The following EPHA6 variants were observed in gnomAD, a reference collection of about 807,000 sequenced individuals.
EPHA6 encodes the protein ephrin type-A receptor 6.
Under a neutral mutation model 112.0 loss-of-function variants are expected in EPHA6, and 50 were observed. The observed-to-expected ratio is 0.45, with a 90% confidence interval of 0.36 to 0.56. The LOEUF is 0.56. EPHA6 is among the 20% of genes least tolerant of loss of function. The pLI is 0.00. For missense variants in EPHA6, 1,280 were observed against 1,417.4 expected (o/e 0.90, Z 1.56); for synonymous variants, 529 against 490.7 (o/e 1.08, Z -1.03).
At position 96,854,620 on chromosome 3, in the gene EPHA6, G is replaced by A. The variant is rs73848357; in HGVS notation, c.386-12205G>A. Among the ~76,000 whole-genome samples the A allele has an allele frequency of 2.4e-3, 372 of 152,160 alleles. 1 individual carries two copies. The highest frequency in any genetic ancestry group is 8.7e-3 in the African/African-American group (362 of 41,514). ...TTTTTATATATGTATATGTGTGTGT[G>A]TAAAAAAAGAAATATACATTCATAG... On this transcript the variant is annotated intron_variant, in intron 1 of 17. Coordinates refer to ENST00000389672, the MANE Select transcript of EPHA6 (RefSeq NM_001080448.3).
chr3:97,487,805 G>A (rs1319623833), intron 10 of EPHA6, among the ~76,000 whole-genome samples: 1 of 152,104 alleles, frequency 6.6e-6, no homozygotes, highest in African/African-American at 2.4e-5. Context: ...TTGCATAGGA[G>A]ACTATCAAGA....
intron 1 of EPHA6, among the ~76,000 whole-genome samples, chr3:96,845,427 A>G (rs1247209189): frequency 6.6e-6 from 1 of 151,978 alleles, no homozygotes; most frequent in Non-Finnish European, 1.5e-5. Flanking sequence ...TAGAAATGCA[A>G]TAAAGTCCTC....
At chr3:97,694,896 T>A (rs1242366177) in intron 14 of EPHA6, among the ~76,000 whole-genome samples, 3 of 152,248 alleles carry the variant, frequency 2.0e-5, no homozygotes, top group Non-Finnish European at 4.4e-5. Flanking sequence ...TTGACCTTCA[T>A]GCGAATTCCA....
chr3:96,994,440 C>T (rs2043327732), intron 3 of EPHA6, among the ~76,000 whole-genome samples: 1 of 151,884 alleles, frequency 6.6e-6, no homozygotes, highest in African/African-American at 2.4e-5. Flanking sequence ...AAGTATTATG[C>T]TAATTTACAT....
intron 3 of EPHA6, among the ~76,000 whole-genome samples, chr3:97,157,784 T>C (rs970383670): frequency 6.6e-6 from 1 of 152,112 alleles, no homozygotes; most frequent in Non-Finnish European, 1.5e-5. Flanking sequence ...TTTTTGTTGG[T>C]TCAGATCTTC....
chr3:97,235,883 T>A (rs1013550672), intron 4 of EPHA6, among the ~76,000 whole-genome samples: 3 of 152,106 alleles, frequency 2.0e-5, no homozygotes, highest in Non-Finnish European at 4.4e-5. Context: ...CTTGTTTTTC[T>A]TTTTATTGTT....
intron 5 of EPHA6, chr3:97,244,785 A>G: frequency 6.4e-6 from 1 of 156,170 alleles, no homozygotes. Context: ...AATGTGTTCA[A>G]ATGTCATCAT....
chr3:97,260,987 G>A (rs1307061529), intron 5 of EPHA6, among the ~76,000 whole-genome samples: 1 of 152,168 alleles, frequency 6.6e-6, no homozygotes, highest in Non-Finnish European at 1.5e-5. Flanking sequence ...AGCTTTGCAT[G>A]CCTAATTTCA....
chr3:97,640,542 G>T (rs1045243532), intron 14 of EPHA6, among the ~76,000 whole-genome samples: 2 of 151,970 alleles, frequency 1.3e-5, no homozygotes, highest in Admixed American at 6.5e-5. Flanking sequence ...AAGCCGAGGG[G>T]AGCGGATCAC....
At chr3:96,953,234 A>T (rs2041623089) in intron 2 of EPHA6, among the ~76,000 whole-genome samples, 1 of 152,192 alleles carries the variant, frequency 6.6e-6, no homozygotes, top group Non-Finnish European at 1.5e-5. Flanking sequence ...ATTGTTAAAA[A>T]TAAAGATGAA....
intron 9 of EPHA6, among the ~76,000 whole-genome samples, chr3:97,480,895 C>T (rs1341280809): frequency 2.0e-5 from 3 of 148,780 alleles, no homozygotes; most frequent in South Asian, 2.2e-4. Context: ...AGAGCAGAGG[C>T]GCTCCCCACA....
chr3:97,379,458 A>G (rs115752523), intron 5 of EPHA6, among the ~76,000 whole-genome samples: 2,388 of 152,028 alleles, frequency 0.016, 62 homozygotes, highest in African/African-American at 0.052. Context: ...GATGTTTAAG[A>G]TTTTAAAAAG....
chr3:97,517,141 A>G (rs2092460130), intron 10 of EPHA6, among the ~76,000 whole-genome samples: 1 of 152,116 alleles, frequency 6.6e-6, no homozygotes, highest in Admixed American at 6.6e-5. Context: ...GTTCAAAATG[A>G]TATTCAAAAG....
chr3:97,300,529 G>A (rs1283063187), intron 5 of EPHA6, among the ~76,000 whole-genome samples: 4 of 152,108 alleles, frequency 2.6e-5, no homozygotes, highest in Non-Finnish European at 5.9e-5. Context: ...AGTAGGCAGT[G>A]GATCAACCTT....
At chr3:96,980,534 G>A (rs547418693) in intron 2 of EPHA6, among the ~76,000 whole-genome samples, 14 of 152,266 alleles carry the variant, frequency 9.2e-5, no homozygotes, top group African/African-American at 3.4e-4. Context: ...TGGCAATGCG[G>A]GCTCTTTTTT....
At chr3:97,158,956 A>AGG (rs2076351786) in intron 3 of EPHA6, among the ~76,000 whole-genome samples, 1 of 152,122 alleles carries the variant, frequency 6.6e-6, no homozygotes, top group Non-Finnish European at 1.5e-5. Flanking sequence ...AGGAATTAAA[A>AGG]GGGGGAGGCA....
intron 3 of EPHA6, among the ~76,000 whole-genome samples, chr3:97,056,797 G>C (rs910628386): frequency 3.3e-5 from 5 of 152,094 alleles, no homozygotes; most frequent in Non-Finnish European, 5.9e-5. Flanking sequence ...TGTAAAGTGG[G>C]AATATTAAAA....
intron 2 of EPHA6, among the ~76,000 whole-genome samples, chr3:96,925,682 T>G (rs1000670016): frequency 1.3e-5 from 2 of 150,824 alleles, no homozygotes; most frequent in Admixed American, 1.3e-4. Flanking sequence ...CTTGGCTCAC[T>G]GCAACTTCTG....
intron 4 of EPHA6, among the ~76,000 whole-genome samples, chr3:97,243,685 CAT>C (rs1471573495): frequency 6.6e-6 from 1 of 151,164 alleles, no homozygotes; most frequent in African/African-American, 2.4e-5. Context: ...GTGTAATTAC[CAT>C]ATGTTTTACA....
Sources: gnomAD v4.1 joint callset for allele counts (sites outside exome capture counted in the v4.1 genomes callset) on GRCh38, gnomAD v4.1.1 for gene constraint, MANE v1.5 for transcripts, NCBI Gene and HGNC (gene_info 2026-07-23, HGNC 2026-07-21) for gene names.